The following GALNTL6 variants were observed in gnomAD, a reference collection of about 807,000 sequenced individuals.
The protein encoded by GALNTL6 is polypeptide N-acetylgalactosaminyltransferase-like 6.
In GALNTL6, 46 loss-of-function variants were observed where a neutral mutation model predicts 73.7. The ratio of observed to expected loss-of-function variants is 0.62; its 90% CI spans 0.49 to 0.80. GALNTL6 has a LOEUF of 0.80. GALNTL6 is among the 30% of genes least tolerant of loss of function. GALNTL6 has a pLI of 0.00. For missense variants in GALNTL6, 604 were observed against 755.0 expected (o/e 0.80, Z 2.34); for synonymous variants, 259 against 263.7 (o/e 0.98, Z 0.17).
chr4:172,825,437 T>C (rs998698755), intron 7 of GALNTL6, among the ~76,000 whole-genome samples: 1 of 152,132 alleles, frequency 6.6e-6, no homozygotes, highest in Non-Finnish European at 1.5e-5. Flanking sequence ...ACAAAGATGT[T>C]TGCCGTTTCT....
chr4:172,564,777 G>A (rs1357680350), intron 5 of GALNTL6, among the ~76,000 whole-genome samples: 1 of 152,216 alleles, frequency 6.6e-6, no homozygotes, highest in Non-Finnish European at 1.5e-5. Context: ...AGAATCCAGA[G>A]AGACAGAGTC....
At chr4:172,330,617 G>A (rs941988239) in intron 4 of GALNTL6, among the ~76,000 whole-genome samples, 6 of 152,144 alleles carry the variant, frequency 3.9e-5, no homozygotes, top group Non-Finnish European at 7.3e-5. Context: ...TCCCAACATC[G>A]TTGTTTTATC....
intron 2 of GALNTL6, among the ~76,000 whole-genome samples, chr4:172,201,324 G>A (rs1215005083): frequency 2.0e-5 from 3 of 151,588 alleles, no homozygotes; most frequent in Non-Finnish European, 2.9e-5. Flanking sequence ...CCCCTGCCTC[G>A]GCCTCCCAAG....
intron 8 of GALNTL6, among the ~76,000 whole-genome samples, chr4:172,908,737 A>G (rs1747036790): frequency 6.6e-6 from 1 of 151,668 alleles, no homozygotes; most frequent in African/African-American, 2.4e-5. Flanking sequence ...TGAAACAAAA[A>G]CTAGGAATAA....
At chr4:171,993,203 A>ATG (rs1291253194) in intron 2 of GALNTL6, among the ~76,000 whole-genome samples, 1 of 151,566 alleles carries the variant, frequency 6.6e-6, no homozygotes, top group South Asian at 2.1e-4. Context: ...GAATAAGTAT[A>ATG]TATAAGAGAA....
intron 10 of GALNTL6, among the ~76,000 whole-genome samples, chr4:173,002,298 C>T (rs935513764): frequency 6.7e-5 from 10 of 150,118 alleles, no homozygotes; most frequent in African/African-American, 7.4e-5. Context: ...GCTGAGGCAG[C>T]GGAATCACTT....
chr4:172,690,691 T>A (rs1180573321), intron 5 of GALNTL6, among the ~76,000 whole-genome samples: 1 of 152,200 alleles, frequency 6.6e-6, no homozygotes, highest in Non-Finnish European at 1.5e-5. Context: ...CCAAATGCAC[T>A]TGAGATAACA....
chr4:172,443,152 A>G (rs1234703189), intron 5 of GALNTL6, among the ~76,000 whole-genome samples: 1 of 114,770 alleles, frequency 8.7e-6, no homozygotes, highest in African/African-American at 4.5e-5. Context: ...ATATATATAT[A>G]TATATATATA....
intron 5 of GALNTL6, among the ~76,000 whole-genome samples, chr4:172,614,176 C>A (rs559618543): frequency 2.6e-5 from 4 of 152,158 alleles, no homozygotes; most frequent in African/African-American, 9.6e-5. Context: ...CTATCTCTAT[C>A]CCTCTCTCTC....
intron 3 of GALNTL6, among the ~76,000 whole-genome samples, chr4:172,275,381 G>A (rs1738792202): frequency 6.6e-6 from 1 of 152,106 alleles, no homozygotes; most frequent in African/African-American, 2.4e-5. Flanking sequence ...ATATGTCTTT[G>A]TAGCTGGACT....
At chr4:172,167,398 C>T (rs1216795737) in intron 2 of GALNTL6, among the ~76,000 whole-genome samples, 1 of 152,012 alleles carries the variant, frequency 6.6e-6, no homozygotes, top group Non-Finnish European at 1.5e-5. Flanking sequence ...TCATGTATAG[C>T]ACACTCCAAC....
chr4:172,054,813 C>A (rs1730976423), intron 2 of GALNTL6, among the ~76,000 whole-genome samples: 1 of 152,114 alleles, frequency 6.6e-6, no homozygotes, highest in South Asian at 2.1e-4. Context: ...AACTACTGAA[C>A]TTCGAAACAA....
chr4:173,033,385 CAAAAAA>C (rs56814083), intron 12 of GALNTL6, among the ~76,000 whole-genome samples: 1 of 142,516 alleles, frequency 7.0e-6, no homozygotes, highest in Non-Finnish European at 1.5e-5. Context: ...TTCTAGCTGT[CAAAAAA>C]AAAAAAAAAA....
At chr4:172,895,824 T>C (rs992727017) in intron 8 of GALNTL6, among the ~76,000 whole-genome samples, 7 of 152,178 alleles carry the variant, frequency 4.6e-5, no homozygotes, top group Non-Finnish European at 2.9e-5. Context: ...CTTTTTCTTT[T>C]TTCTCTTCTG....
intron 5 of GALNTL6, among the ~76,000 whole-genome samples, chr4:172,741,616 T>G (rs928185310): frequency 8.5e-5 from 13 of 152,156 alleles, no homozygotes; most frequent in African/African-American, 3.1e-4. Flanking sequence ...TGCTTTAGGC[T>G]TCTCAGCATC....
intron 4 of GALNTL6, among the ~76,000 whole-genome samples, chr4:172,330,681 T>C (rs1741094336): frequency 6.6e-6 from 1 of 152,180 alleles, no homozygotes; most frequent in Admixed American, 6.5e-5. Context: ...ATTTGTTTTT[T>C]TGTGTTAAGC....
rs183704107 is a variant in GALNTL6 at position 171,959,764 on chromosome 4, A to C, written c.138+145046A>C. Among the ~76,000 whole-genome samples, 11 of 152,334 alleles carry C rather than the reference A, an allele frequency of 7.2e-5. No homozygotes were observed. The East Asian group carries it at 2.1e-3, about 29-fold the overall frequency. ...TGTGAGCTCAAAATATCTGCCTGAC[A>C]AAAGCAGTTGTTCTACGTGATGATA... On this transcript the variant is annotated intron_variant, in intron 2 of 12. Transcript: ENST00000506823.
At position 172,385,036 on chromosome 4, in the gene GALNTL6, T is replaced by C. The variant is rs1262473146; in HGVS notation, c.553+36347T>C. ...TGTTGTTTTGTTTTTTTGTTTTTTT[T>C]TTTTTACCCATTGGTTATTTAGAAG... On this transcript the variant is annotated intron_variant, in intron 5 of 12. Coordinates refer to ENST00000506823, the MANE Select transcript of GALNTL6 (RefSeq NM_001034845.3). Among the ~76,000 whole-genome samples the C allele has an allele frequency of 7.9e-5, 12 of 151,340 alleles. 1 individual carries two copies. The South Asian group carries it at 2.5e-3, about 31-fold the overall frequency.
intron 2 of GALNTL6, among the ~76,000 whole-genome samples, chr4:172,057,730 ATATATATATATATAT>A (rs1731072343): frequency 1.7e-5 from 1 of 59,400 alleles, no homozygotes; most frequent in African/African-American, 6.6e-5. Context: ...AAAAAAAAAT[ATATATATATATATAT>A]ATATATATAT....
Sources: gnomAD v4.1 joint callset for allele counts (sites outside exome capture counted in the v4.1 genomes callset) on GRCh38, gnomAD v4.1.1 for gene constraint, MANE v1.5 for transcripts, NCBI Gene and HGNC (gene_info 2026-07-23, HGNC 2026-07-21) for gene names.